RNF149: variants seen among roughly 807,000 people sequenced by gnomAD.
The protein encoded by RNF149 is E3 ubiquitin-protein ligase RNF149.
Under a neutral mutation model 39.0 loss-of-function variants are expected in RNF149, and 21 were observed. The ratio of observed to expected loss-of-function variants is 0.54; its 90% CI spans 0.38 to 0.77. The LOEUF (loss-of-function observed/expected upper bound fraction) is 0.77. Among genes scored for constraint, RNF149 ranks in the 30% least tolerant of loss-of-function variants. The pLI is 0.00. For missense variants in RNF149, 493 were observed against 534.9 expected (o/e 0.92, Z 0.77); for synonymous variants, 209 against 213.6 (o/e 0.98, Z 0.19).
intron 2 of RNF149, 122 bp downstream of exon 2, chr2:101,294,809 G>T: frequency 1.2e-6 from 1 of 853,728 alleles, no homozygotes; most frequent in Non-Finnish European, 1.8e-6. Flanking sequence ...AAGTCATGTT[G>T]AATACTTAAA....
At chr2:101,292,970 ATC>A (rs1277227999) in intron 3 of RNF149, among the ~76,000 whole-genome samples, 28 of 134,042 alleles carry the variant, frequency 2.1e-4, no homozygotes, top group African/African-American at 7.2e-4. Flanking sequence ...ATGAGATGTG[ATC>A]TTTTTTTTTT....
chr2:101,274,172 C>T (rs1266384951), downstream of RNF149, among the ~76,000 whole-genome samples: 2 of 152,084 alleles, frequency 1.3e-5, no homozygotes, highest in East Asian at 1.9e-4. Flanking sequence ...ATGACCTCCA[C>T]AATATTCATG....
intron 1 of RNF149, among the ~76,000 whole-genome samples, chr2:101,298,722 C>T (rs1382916905): frequency 2.0e-5 from 3 of 152,188 alleles, no homozygotes; most frequent in African/African-American, 7.2e-5. Flanking sequence ...TCAACACATA[C>T]TACCCTCTGG....
intron 2 of RNF149, 25 bp from the exon 3 acceptor site, chr2:101,294,107 G>A (rs1683128112): frequency 7.1e-6 from 9 of 1,265,706 alleles, no homozygotes; most frequent in Admixed American, 1.9e-5. Context: ...TATTAATACA[G>A]TTATTGAAAA....
chr2:101,273,629 C>T (rs1346171067), downstream of RNF149, among the ~76,000 whole-genome samples: 1 of 152,022 alleles, frequency 6.6e-6, no homozygotes, highest in African/African-American at 2.4e-5. Flanking sequence ...GATGCCACCA[C>T]ACCTGGCTAA....
downstream of RNF149, among the ~76,000 whole-genome samples, chr2:101,272,677 C>G (rs983519960): frequency 3.9e-5 from 6 of 152,184 alleles, no homozygotes; most frequent in African/African-American, 1.4e-4. Context: ...ATAATTACCT[C>G]AAGTTCTACT....
At chr2:101,307,592 A>C (rs1683717763) in intron 1 of RNF149, among the ~76,000 whole-genome samples, 1 of 152,222 alleles carries the variant, frequency 6.6e-6, no homozygotes, top group Non-Finnish European at 1.5e-5. Flanking sequence ...TTAGCAAGTC[A>C]GAAAGCACAG....
chr2:101,272,840 A>G, downstream of RNF149: 1 of 769,222 alleles, frequency 1.3e-6, no homozygotes, highest in Non-Finnish European at 2.0e-6. Context: ...GGGGACAATC[A>G]CCTATTCCTG....
chr2:101,273,065 T>G (rs1373409421), downstream of RNF149: 1 of 1,358,000 alleles, frequency 7.4e-7, no homozygotes, highest in Admixed American at 1.9e-5. Context: ...GAGGGAGCAG[T>G]CTTCTGGGAA....
chr2:101,282,135 A>G, intron 5 of RNF149, 78 bp from the exon 6 acceptor site: 1 of 1,564,632 alleles, frequency 6.4e-7, no homozygotes, highest in Non-Finnish European at 8.6e-7. Context: ...CTGGCTCGTA[A>G]TTCACACACA....
At chr2:101,283,310 A>C (rs1053143070) in intron 5 of RNF149, among the ~76,000 whole-genome samples, 6 of 152,122 alleles carry the variant, frequency 3.9e-5, no homozygotes, top group African/African-American at 1.4e-4. Context: ...CCATGAGGGG[A>C]GGGGCTGTGT....
At chr2:101,289,087 T>G (rs1483637605) in intron 3 of RNF149, 32 bp from the exon 4 acceptor site, 1 of 1,280,208 alleles carries the variant, frequency 7.8e-7, no homozygotes, top group African/African-American at 1.5e-5. Context: ...GTTACTACAT[T>G]CTTGGTACAC....
intron 4 of RNF149, among the ~76,000 whole-genome samples, chr2:101,287,482 C>G (rs1483792361): frequency 6.6e-6 from 1 of 152,210 alleles, no homozygotes; most frequent in African/African-American, 2.4e-5. Flanking sequence ...TGCACATGCA[C>G]CTGTGTTTGA....
At chr2:101,294,716 A>C (rs1278895043) in intron 2 of RNF149, 1 of 520,030 alleles carries the variant, frequency 1.9e-6, no homozygotes, top group Non-Finnish European at 3.4e-6. Context: ...ACAAATGTGC[A>C]AAAGGTAACC....
At chr2:101,273,247 A>C, downstream of RNF149, 2 of 649,488 alleles carry the variant, frequency 3.1e-6, no homozygotes, top group Non-Finnish European at 5.1e-6. Context: ...GGGGCTGCGG[A>C]GAGCAGCACA....
chr2:101,273,207 G>A (rs756046587), downstream of RNF149: 47 of 1,039,704 alleles, frequency 4.5e-5, no homozygotes, highest in Non-Finnish European at 5.6e-5. Context: ...TCCAGACACC[G>A]AGGAGCCGAG....
rs1436539998 is a variant in RNF149 at position 101,278,575 on chromosome 2, T to C, written c.1160-1294A>G. 3.9e-5 allele frequency among the ~76,000 whole-genome samples: 6 copies of C among 152,326 alleles called. No individual in the cohort carries two copies. In the East Asian group the frequency reaches 1.2e-3, roughly 29 times the overall value. On this transcript the variant is annotated intron_variant, in intron 6 of 6. Transcript: ENST00000295317. ...TTTAAATTGACAAAAACTGTATATA[T>C]ATATGGTATACAACATGATGTTCTG... is the stretch of plus-strand genomic sequence containing the variant.
At chr2:101,272,812 A>C, downstream of RNF149, 1 of 503,582 alleles carries the variant, frequency 2.0e-6, no homozygotes, top group Non-Finnish European at 3.3e-6. Flanking sequence ...TACATTGGGT[A>C]TTTCATCCCC....
At chr2:101,280,092 C>A (rs967293532) in intron 6 of RNF149, among the ~76,000 whole-genome samples, 1 of 152,000 alleles carries the variant, frequency 6.6e-6, no homozygotes, top group Non-Finnish European at 1.5e-5. Flanking sequence ...GGGCAAATCA[C>A]TTGAACCCAG....
Sources: allele counts gnomAD v4.1 joint callset (sites outside exome capture counted in the v4.1 genomes callset), GRCh38; gene constraint gnomAD v4.1.1; transcripts MANE v1.5; gene names NCBI Gene and HGNC (gene_info 2026-07-23, HGNC 2026-07-21).